Variants in IARS2 observed in about 807,000 individuals in gnomAD.
IARS2 encodes isoleucine--tRNA ligase, mitochondrial.
Under a neutral mutation model 126.3 loss-of-function variants are expected in IARS2, and 56 were observed. The observed-to-expected ratio is 0.44, with a 90% CI of 0.36 to 0.55. IARS2 has a LOEUF of 0.55. Ranked by LOEUF, IARS2 falls within the 20% of genes least tolerant of loss-of-function variation. The probability of loss-of-function intolerance (pLI) is 0.00; values close to 1 mark genes in which losing one functional copy is unlikely to be tolerated. For synonymous variants in IARS2, 407 were observed against 441.1 expected (o/e 0.92, Z 0.97); for missense variants, 1,127 against 1,245.9 (o/e 0.90, Z 1.44).
At chr1:220,100,197 A>G (rs988288554) in intron 2 of IARS2, among the ~76,000 whole-genome samples, 1 of 152,234 alleles carries the variant, frequency 6.6e-6, no homozygotes, top group African/African-American at 2.4e-5. Context: ...AGAGTTAACC[A>G]CAATATTCCA....
chr1:220,142,240 T>TA (rs1657504284), intron 20 of IARS2, among the ~76,000 whole-genome samples: 1 of 152,202 alleles, frequency 6.6e-6, no homozygotes, highest in East Asian at 1.9e-4. Flanking sequence ...GGCTCACACC[T>TA]GTAATCCCAG....
chr1:220,138,228 T>G (rs1309509870), intron 17 of IARS2, among the ~76,000 whole-genome samples, 185 bp downstream of exon 17: 3 of 152,192 alleles, frequency 2.0e-5, no homozygotes, highest in Admixed American at 2.0e-4. Context: ...ATCCCAGCAC[T>G]TTTGGAGGCA....
chr1:220,139,153 A>G lies in IARS2; in HGVS notation c.2307+14A>G, dbSNP rs201438337. On this transcript the variant is annotated intron_variant, in intron 18 of 22. Coordinates refer to ENST00000366922, the MANE Select transcript of IARS2 (RefSeq NM_018060.4). ...TTGGCAAACAAGGTAAATGTAAATTAATAAACTTTTGGAAACTAGAAATAT... is the reference window on the plus strand; with the variant it reads ...TTGGCAAACAAGGTAAATGTAAATTGATAAACTTTTGGAAACTAGAAATAT... 1.5e-4 allele frequency: 233 copies of G among 1,597,920 alleles called. 3 individuals are homozygous for G. In the East Asian group the frequency reaches 4.3e-3, roughly 29 times the overall value.
chr1:220,100,528 T>C lies in IARS2; in HGVS notation c.429T>C (p.Asn143=), dbSNP rs781730360. 1 of 1,612,320 alleles carries C rather than the reference T, an allele frequency of 6.2e-7. No individual in the cohort carries two copies. Among genetic ancestry groups the C allele is most frequent in the Admixed American group, 1.7e-5 (1 of 59,882 alleles). Residue 143 remains asparagine (N), a synonymous_variant, in exon 3 of 23, where the codon AAT becomes AAC. Coordinates refer to ENST00000366922, the MANE Select transcript of IARS2 (RefSeq NM_018060.4). ...TAGCCAATCGATTCCATATGATGAA[T>C]GGCTCCAAAATACATTTTGTGCCCG... is the stretch of plus-strand genomic sequence containing the variant. ...KDIANRFHMM[N]GSKIHFVPGW...
At chr1:220,141,982 AAT>A (rs750917490) in intron 20 of IARS2, 34 bp downstream of exon 20, 1 of 1,596,052 alleles carries the variant, frequency 6.3e-7, no homozygotes, top group East Asian at 2.2e-5. Context: ...CTTAATGAGA[AAT>A]ATCCCTGATC....
At chr1:220,145,853 G>C (rs1657576006) in intron 22 of IARS2, among the ~76,000 whole-genome samples, 200 bp downstream of exon 22, 2 of 152,180 alleles carry the variant, frequency 1.3e-5, no homozygotes, top group South Asian at 2.1e-4. Context: ...TGGGAACTGA[G>C]GGCTAGGGAC....
intron 10 of IARS2, 57 bp from the exon 11 acceptor site, chr1:220,110,729 T>G: frequency 7.4e-7 from 1 of 1,348,748 alleles, no homozygotes; most frequent in Non-Finnish European, 1.0e-6. Context: ...TAGAGCATTT[T>G]TAGGATTTTC....
chr1:220,125,471 A>C, intron 13 of IARS2, 132 bp downstream of exon 13: 1 of 612,320 alleles, frequency 1.6e-6, no homozygotes. Context: ...TTAGAAGCTA[A>C]TGCAGTGTGA....
chr1:220,116,823 T>G (rs1331500195), intron 12 of IARS2, among the ~76,000 whole-genome samples: 1 of 152,138 alleles, frequency 6.6e-6, no homozygotes, highest in East Asian at 1.9e-4. Context: ...CTTGGCTCAC[T>G]ACAACCTCCA....
intron 1 of IARS2, among the ~76,000 whole-genome samples, chr1:220,095,811 A>G (rs917772694): frequency 4.6e-5 from 7 of 152,262 alleles, no homozygotes; most frequent in Non-Finnish European, 1.0e-4. Flanking sequence ...GAGTGATGAA[A>G]GAATGCCCGA....
chr1:220,140,758 G>T (rs1245699815), intron 19 of IARS2, among the ~76,000 whole-genome samples: 4 of 152,132 alleles, frequency 2.6e-5, no homozygotes, highest in African/African-American at 9.7e-5. Context: ...GCCGAGGCGG[G>T]CGGATCACGA....
intron 18 of IARS2, 78 bp from the exon 19 acceptor site, chr1:220,140,105 A>G: frequency 1.3e-6 from 1 of 776,246 alleles, no homozygotes; most frequent in Non-Finnish European, 2.3e-6. Context: ...TTTTGAAAGG[A>G]GCATATTTTG....
chr1:220,112,836 G>C (rs994930362), intron 11 of IARS2, among the ~76,000 whole-genome samples: 1 of 151,630 alleles, frequency 6.6e-6, no homozygotes, highest in African/African-American at 2.4e-5. Context: ...TGTAATTACA[G>C]GTGTCAGCCA....
chr1:220,143,884 T>A (rs1657535242), intron 21 of IARS2: 1 of 724,190 alleles, frequency 1.4e-6, no homozygotes, highest in African/African-American at 1.8e-5. Flanking sequence ...TCTAAATGCT[T>A]AAGAAGAGAA....
At chr1:220,141,972 C>G in intron 20 of IARS2, 24 bp downstream of exon 20, 2 of 1,602,622 alleles carry the variant, frequency 1.2e-6, no homozygotes, top group African/African-American at 1.3e-5. Context: ...CATTTATTCT[C>G]TTAATGAGAA....
Position 220,141,963 on chromosome 1 carries a change from A to G in IARS2, c.2560+15A>G, listed in dbSNP as rs201070334. The G allele has an allele frequency of 3.1e-6, 5 of 1,607,888 alleles. No individual in the cohort carries two copies. Among genetic ancestry groups the G allele is most frequent in the Non-Finnish European group, 2.5e-6 (3 of 1,177,324 alleles). ...TTATATTAAAGGTAAGGAATACTTC[A>G]TTTATTCTCTTAATGAGAAATATCC... is the stretch of plus-strand genomic sequence containing the variant. On this transcript the variant is annotated intron_variant, in intron 20 of 22. Coordinates refer to ENST00000366922, the MANE Select transcript of IARS2 (RefSeq NM_018060.4).
At chr1:220,134,341 T>G in intron 14 of IARS2, 61 bp from the exon 15 acceptor site, 1 of 1,177,462 alleles carries the variant, frequency 8.5e-7, no homozygotes, top group Non-Finnish European at 1.2e-6. Flanking sequence ...AGTATCTTCT[T>G]TTTCTATTTT....
rs1279265532 is a variant in IARS2, at chr1:220,126,736, CA to C, written c.1744-13del. The C allele has an allele frequency of 1.3e-6, 2 of 1,594,656 alleles. No homozygotes were observed. The highest frequency in any genetic ancestry group is 1.7e-6 in the Non-Finnish European group (2 of 1,164,020). On this transcript the variant is annotated splice_polypyrimidine_tract_variant and intron_variant, in intron 13 of 22. Transcript: ENST00000366922. ...TCTTTGTGTACCTGACATGCTTTTG[CA>C]TTATCTTACTAGGTTGGTGGCCCTG...
intron 14 of IARS2, among the ~76,000 whole-genome samples, chr1:220,128,468 A>T (rs1283622303): frequency 6.6e-6 from 1 of 152,178 alleles, no homozygotes; most frequent in Non-Finnish European, 1.5e-5. Flanking sequence ...GGTGTAGAGT[A>T]GGCTCTCCCA....
Sources: allele counts gnomAD v4.1 joint callset (sites outside exome capture counted in the v4.1 genomes callset), GRCh38; gene constraint gnomAD v4.1.1; transcripts MANE v1.5; gene names NCBI Gene and HGNC (gene_info 2026-07-23, HGNC 2026-07-21).